CXCL13: variants seen among roughly 807,000 people sequenced by gnomAD.
CXCL13 encodes C-X-C motif chemokine 13.
CXCL13 carries 7 observed loss-of-function variants against 12.2 expected under a neutral mutation model. The ratio of observed to expected loss-of-function variants is 0.57; its 90% CI spans 0.33 to 1.07. The LOEUF is 1.07. Among genes scored for constraint, CXCL13 ranks in the 50% least tolerant of loss-of-function variants. The pLI, the probability that CXCL13 is intolerant of heterozygous loss-of-function variation, is 0.04. For missense variants in CXCL13, 113 were observed against 127.4 expected (o/e 0.89, Z 0.55); for synonymous variants, 47 against 42.4 (o/e 1.11, Z -0.42).
intron 1 of CXCL13, among the ~76,000 whole-genome samples, chr4:77,551,800 G>T (rs1454440056): frequency 6.6e-6 from 1 of 151,752 alleles, no homozygotes; most frequent in Non-Finnish European, 1.5e-5. Flanking sequence ...TCTTTTTTCT[G>T]TATTTTTGTC....
rs143935491 is a variant in CXCL13 at position 77,533,990 on chromosome 4, G to A, written c.-43+22202G>A. ...TGACCCCTTGCACTTCCCAGGTGAG[G>A]CAATGTGCTGCCCTGCTTTGGCTCA... On this transcript the variant is annotated intron_variant, in intron 1 of 4. Coordinates refer to the CXCL13 transcript ENST00000286758. 2.1e-3 allele frequency among the ~76,000 whole-genome samples: 324 copies of A among 152,298 alleles called. 2 individuals are homozygous for A. Among genetic ancestry groups the A allele is most frequent in the African/African-American group, 7.5e-3 (311 of 41,560 alleles).
At chr4:77,588,813 TG>T (rs1726542327) in intron 1 of CXCL13, among the ~76,000 whole-genome samples, 1 of 152,190 alleles carries the variant, frequency 6.6e-6, no homozygotes, top group Non-Finnish European at 1.5e-5. Context: ...AGAACAAAGC[TG>T]AACTCTCCCA....
intron 1 of CXCL13, among the ~76,000 whole-genome samples, chr4:77,515,513 G>A (rs1426566869): frequency 6.6e-6 from 1 of 152,132 alleles, no homozygotes; most frequent in East Asian, 1.9e-4. Flanking sequence ...TCCTTGAGGA[G>A]GTCCTTCACA....
At chr4:77,531,366 C>T (rs996087420) in intron 1 of CXCL13, among the ~76,000 whole-genome samples, 8 of 143,450 alleles carry the variant, frequency 5.6e-5, no homozygotes, top group Admixed American at 1.5e-4. Context: ...TGAGAACATG[C>T]GGTGTTTGGT....
At chr4:77,557,152 G>T (rs562352506) in intron 1 of CXCL13, among the ~76,000 whole-genome samples, 1 of 152,274 alleles carries the variant, frequency 6.6e-6, no homozygotes, top group African/African-American at 2.4e-5. Flanking sequence ...AGTTTCAAAT[G>T]TTGTTGATTT....
intron 1 of CXCL13, among the ~76,000 whole-genome samples, chr4:77,535,912 C>T (rs1165703756): frequency 6.6e-6 from 1 of 152,100 alleles, no homozygotes; most frequent in East Asian, 1.9e-4. Flanking sequence ...AATTCCTGTC[C>T]CACAAAAGTT....
intron 1 of CXCL13, among the ~76,000 whole-genome samples, chr4:77,576,664 T>C (rs1250787855): frequency 6.6e-6 from 1 of 150,538 alleles, no homozygotes; most frequent in African/African-American, 2.5e-5. Flanking sequence ...AGGTATTTGA[T>C]GGCAAAAACC....
At chr4:77,517,200 A>G (rs1450274309) in intron 1 of CXCL13, among the ~76,000 whole-genome samples, 1 of 152,056 alleles carries the variant, frequency 6.6e-6, no homozygotes, top group Non-Finnish European at 1.5e-5. Flanking sequence ...GTTCTTTTAC[A>G]TTTGCTGAGG....
intron 1 of CXCL13, among the ~76,000 whole-genome samples, chr4:77,581,337 CAA>C (rs1726329527): frequency 6.6e-6 from 1 of 152,176 alleles, no homozygotes; most frequent in Non-Finnish European, 1.5e-5. Flanking sequence ...AAGTGGTTGC[CAA>C]TTGACTGAAT....
intron 1 of CXCL13, among the ~76,000 whole-genome samples, chr4:77,578,057 G>C (rs1726235538): frequency 6.6e-6 from 1 of 152,120 alleles, no homozygotes; most frequent in Non-Finnish European, 1.5e-5. Flanking sequence ...ATTGGGCCTG[G>C]GGAATGGAAC....
At chr4:77,596,298 T>C (rs1726746738) in intron 1 of CXCL13, among the ~76,000 whole-genome samples, 1 of 152,176 alleles carries the variant, frequency 6.6e-6, no homozygotes, top group South Asian at 2.1e-4. Context: ...CTTGTTTGTA[T>C]GGCTATTATC....
intron 1 of CXCL13, among the ~76,000 whole-genome samples, chr4:77,569,571 A>G (rs1259340026): frequency 2.0e-5 from 3 of 152,196 alleles, no homozygotes; most frequent in Admixed American, 2.0e-4. Flanking sequence ...CTAACCAGGA[A>G]GGTGAAAGAT....
intron 1 of CXCL13, among the ~76,000 whole-genome samples, chr4:77,528,181 G>T (rs985818192): frequency 6.6e-6 from 1 of 152,104 alleles, no homozygotes; most frequent in Non-Finnish European, 1.5e-5. Context: ...GTCTATCATT[G>T]TTGGACATTT....
chr4:77,535,076 C>G (rs1294325116), intron 1 of CXCL13, among the ~76,000 whole-genome samples: 1 of 152,220 alleles, frequency 6.6e-6, no homozygotes, highest in Non-Finnish European at 1.5e-5. Flanking sequence ...TCCCCAAATT[C>G]ACAGTGTCCT....
chr4:77,600,762 G>C (rs1307323128), intron 1 of CXCL13, among the ~76,000 whole-genome samples: 1 of 152,198 alleles, frequency 6.6e-6, no homozygotes, highest in Non-Finnish European at 1.5e-5. Flanking sequence ...GTGATCTCAT[G>C]CCAGAGGACC....
At chr4:77,586,447 T>C (rs974679724) in intron 1 of CXCL13, among the ~76,000 whole-genome samples, 4 of 152,234 alleles carry the variant, frequency 2.6e-5, no homozygotes, top group African/African-American at 9.6e-5. Flanking sequence ...GAGCAAAGTT[T>C]ACTGCATATC....
At chr4:77,599,118 A>C (rs997662671) in intron 1 of CXCL13, among the ~76,000 whole-genome samples, 1 of 152,032 alleles carries the variant, frequency 6.6e-6, no homozygotes, top group Admixed American at 6.6e-5. Context: ...CAGCCCCAAC[A>C]CTATTACTGA....
intron 1 of CXCL13, among the ~76,000 whole-genome samples, chr4:77,513,641 T>G (rs1310773964): frequency 1.3e-5 from 2 of 151,566 alleles, no homozygotes; most frequent in Non-Finnish European, 2.9e-5. Context: ...TTTAGTAGAG[T>G]CGGGGTTTTA....
chr4:77,565,220 T>C (rs1022655514), intron 1 of CXCL13, among the ~76,000 whole-genome samples: 1 of 152,180 alleles, frequency 6.6e-6, no homozygotes, highest in African/African-American at 2.4e-5. Context: ...AAGATGAGGT[T>C]CTACAGCTAA....
Sources: gnomAD v4.1 joint callset for allele counts (sites outside exome capture counted in the v4.1 genomes callset) on GRCh38, gnomAD v4.1.1 for gene constraint, MANE v1.5 for transcripts, NCBI Gene and HGNC (gene_info 2026-07-23, HGNC 2026-07-21) for gene names.